OBSL1: variants seen among roughly 807,000 people sequenced by gnomAD.
OBSL1 encodes the protein obscurin-like protein 1.
Under a neutral mutation model 172.0 loss-of-function variants are expected in OBSL1, and 160 were observed. The ratio of observed to expected loss-of-function variants is 0.93; its 90% CI spans 0.82 to 1.06. The LOEUF (loss-of-function observed/expected upper bound fraction) is 1.06. Among genes scored for constraint, OBSL1 ranks in the 50% least tolerant of loss-of-function variants. OBSL1 has a pLI of 0.00. For synonymous variants in OBSL1, 1,200 were observed against 1,196.3 expected (o/e 1.00, Z -0.06); for missense variants, 2,681 against 2,715.4 (o/e 0.99, Z 0.28).
chr2:219,553,119 G>T (rs1160533169), intron 16 of OBSL1, 95 bp from the exon 17 acceptor site: 4 of 1,385,998 alleles, frequency 2.9e-6, no homozygotes, highest in South Asian at 3.2e-5. Context: ...GATGCCAAGC[G>T]GTCTCGAGGC....
Position 219,556,273 on chromosome 2 carries a change from T to G in OBSL1, c.4356A>C (p.Leu1452=). 6.3e-7 allele frequency: 1 copy of G among 1,589,162 alleles called. No individual in the cohort carries two copies. The highest frequency in any genetic ancestry group is 8.6e-7 in the Non-Finnish European group (1 of 1,164,450). Residue 1452 remains leucine, a synonymous_variant, in exon 14 of 21, where the codon CTA becomes CTC. Transcript: ENST00000404537. ...LHVRETELLF[L]RRLQDVRAEE... ...CTGCCCGCACATCCTGCAACCGCCGTAGGAACAGCAGCTCTGTCTCTGGTG... is the reference window on the plus strand; with the variant it reads ...CTGCCCGCACATCCTGCAACCGCCGGAGGAACAGCAGCTCTGTCTCTGGTG...
rs1184716288 is a variant in OBSL1, at chr2:219,559,441, A to G, written c.3010T>C (p.Leu1004=). 2.5e-6 allele frequency: 4 copies of G among 1,613,266 alleles called. No individual in the cohort carries two copies. Among genetic ancestry groups the G allele is most frequent in the Non-Finnish European group, 3.4e-6 (4 of 1,179,680 alleles). ...RDEVTLIAVT[L]ECVVLMCELS... ...TCACACATCAGCACCACACACTCCA[A>G]GGTCACGGCGATCAAGGTCACCTCA... The change falls in exon 9 of 21, where the codon TTG becomes CTG. Residue 1004 remains leucine, a synonymous_variant. Transcript: ENST00000404537.
chr2:219,555,051 A>G (rs1695899563), intron 14 of OBSL1: 2 of 397,774 alleles, frequency 5.0e-6, no homozygotes, highest in Non-Finnish European at 4.6e-6. Context: ...CACACTAGGA[A>G]TGGAACCTCG....
intron 9 of OBSL1, 99 bp from the exon 10 acceptor site, chr2:219,558,558 C>G: frequency 7.4e-7 from 1 of 1,353,942 alleles, no homozygotes; most frequent in African/African-American, 1.5e-5. Context: ...CAGCACAGCT[C>G]TTGAGAACAG....
At chr2:219,552,800 CG>C in intron 17 of OBSL1, 67 bp downstream of exon 17, 1 of 1,525,958 alleles carries the variant, frequency 6.6e-7, no homozygotes, top group Non-Finnish European at 8.8e-7. Flanking sequence ...CATCAGGGTC[CG>C]GGGAAGACAG....
downstream of OBSL1, among the ~76,000 whole-genome samples, chr2:219,548,529 A>C (rs556421561): frequency 1.3e-4 from 20 of 152,328 alleles, no homozygotes; most frequent in African/African-American, 4.3e-4. Context: ...TTGAAGGCTA[A>C]GGGGCCAGCC....
At chr2:219,556,896 ACTC>A in intron 12 of OBSL1, 173 bp from the exon 13 acceptor site, 1 of 684,684 alleles carries the variant, frequency 1.5e-6, no homozygotes, top group Non-Finnish European at 2.4e-6. Flanking sequence ...GCTCCCTGCC[ACTC>A]CTTTTAGTCA....
rs569471408 is a variant in OBSL1 at position 219,568,279 on chromosome 2, C to T, written c.1058G>A (p.Arg353His). The T allele has an allele frequency of 3.0e-5, 49 of 1,609,238 alleles. No homozygotes were observed. The East Asian group carries it at 5.8e-4, about 19-fold the overall frequency. Residue 353 changes from arginine to histidine, a missense_variant, in exon 2 of 21, where the codon CGT becomes CAT. This residue lies in a region of OBSL1 where 706 missense variants were observed against 695.8 expected (regional missense o/e 1.01). Coordinates refer to ENST00000404537, the MANE Select transcript of OBSL1 (RefSeq NM_015311.3). This position sits in a 1 kb window ranked among gnomAD's most constrained non-coding sequence, Gnocchi z 4.1. Reference sequence around the variant, plus strand: ...TTCCAGCACGGCAATCCCGTGCTCACGGCCCTCCACGTCCTGCAGGGGCCG... The same window carrying T: ...TTCCAGCACGGCAATCCCGTGCTCATGGCCCTCCACGTCCTGCAGGGGCCG... ...FTRPLQDVEG[R>H]EHGIAVLECK...
At chr2:219,547,371 G>A (rs1695410290), downstream of OBSL1, 6 of 690,950 alleles carry the variant, frequency 8.7e-6, no homozygotes, top group Non-Finnish European at 1.3e-5. Flanking sequence ...CATGACTCCA[G>A]TGACCCTCAA....
chr2:219,556,937 C>T, intron 12 of OBSL1: 2 of 551,654 alleles, frequency 3.6e-6, no homozygotes, highest in South Asian at 3.1e-5. Flanking sequence ...CCTAGCACCC[C>T]ACCTTGGTGG....
Position 219,557,599 on chromosome 2 carries a change from T to A in OBSL1, c.3810A>T (p.Val1270=). The stretch of plus-strand genomic sequence containing the variant: ...CCCTCGTCTGGGCTGCCTCGGGAGC[T>A]ACCACCCGCACAGGGGGCTCTGTGG... The part of the protein sequence containing the change: ...VQVAEPPVRV[V]APEAAQTRVR... Residue 1270 remains valine, a synonymous_variant, in exon 12 of 21, where the codon GTA becomes GTT. Transcript: ENST00000404537. 2 of 1,544,778 alleles carry A rather than the reference T, an allele frequency of 1.3e-6. No homozygotes were observed. The highest frequency in any genetic ancestry group is 2.4e-5 in the South Asian group (2 of 83,804).
chr2:219,565,123 G>A (rs1280352484), intron 6 of OBSL1, 119 bp downstream of exon 6: 7 of 1,033,128 alleles, frequency 6.8e-6, no homozygotes, highest in Non-Finnish European at 9.6e-6. Context: ...ATGTCCCCTG[G>A]GCCACTGGAC....
Position 219,570,281 on chromosome 2 carries a change from C to T in OBSL1, c.952G>A (p.Val318Ile). 1.2e-6 allele frequency: 2 copies of T among 1,606,964 alleles called. No individual in the cohort carries two copies. Among genetic ancestry groups the T allele is most frequent in the Admixed American group, 1.7e-5 (1 of 59,784 alleles). The stretch of plus-strand genomic sequence containing the variant: ...CCCGCCGAGTTGCGCGCGGCGCAGA[C>T]GTAGAGCCCACGATCCTTGGCCTGG... ...YCQAKDRGLY[V>I]CAARNSAGQT... The change falls in exon 1 of 21, where the codon GTC becomes ATC. Residue 318 changes from valine (V) to isoleucine (I), a missense_variant. Around this residue, in one of 5 missense-constraint regions of OBSL1, gnomAD observed 706 missense variants for 695.8 expected, o/e 1.01. Transcript: ENST00000404537.
intron 18 of OBSL1, 153 bp from the exon 19 acceptor site, chr2:219,552,369 G>A (rs1053099643): frequency 1.1e-6 from 1 of 882,662 alleles, no homozygotes; most frequent in Non-Finnish European, 1.7e-6. Flanking sequence ...AAGCCTAGAG[G>A]TCCGGGACTA....
At position 219,567,284 on chromosome 2, in the gene OBSL1, G is replaced by A. The variant is rs957665576; in HGVS notation, c.1826C>T (p.Ser609Phe). The A allele has an allele frequency of 1.9e-6, 3 of 1,595,972 alleles. No homozygotes were observed. Among genetic ancestry groups the A allele is most frequent in the Non-Finnish European group, 1.7e-6 (2 of 1,167,140 alleles). Residue 609 changes from serine to phenylalanine, a missense_variant, in exon 4 of 21, where the codon TCT (serine) becomes TTT (phenylalanine). This residue lies in a region of OBSL1 where 53 missense variants were observed against 85.5 expected (regional missense o/e 0.62). Coordinates refer to ENST00000404537, the MANE Select transcript of OBSL1 (RefSeq NM_015311.3). Reference protein sequence around the residue: ...GRSPHVVFHGSAHLVPTARLV... With the variant: ...GRSPHVVFHGFAHLVPTARLV... ...CAGGACCAACTCACCAAGGTGAGCA[G>A]AACCGTGGAACACCACGTGGGGACT...
intron 6 of OBSL1, among the ~76,000 whole-genome samples, chr2:219,564,407 T>C (rs892802598): frequency 2.0e-5 from 3 of 152,260 alleles, no homozygotes; most frequent in Non-Finnish European, 4.4e-5. Flanking sequence ...GGAGGTCACA[T>C]AACCTCTTAC....
intron 3 of OBSL1, 23 bp downstream of exon 3, chr2:219,567,695 T>A (rs759114311): frequency 1.2e-5 from 20 of 1,602,134 alleles, no homozygotes; most frequent in Non-Finnish European, 1.6e-5. Context: ...GCCTCGCCTG[T>A]CCAGAGGCCT....
In OBSL1 at chr2:219,563,603, G is replaced by T. The variant is rs1260806087; in HGVS notation, c.2432C>A (p.Pro811His). Residue 811 changes from proline to histidine, a missense_variant, in exon 7 of 21, where the codon CCC becomes CAC. This residue lies in a region of OBSL1 where 1,765 missense variants were observed against 1,748.3 expected (regional missense o/e 1.01). Transcript: ENST00000404537. ...GGCATGCACGAACACATGTTCTCGG[G>T]GGTCCACGATGTGCACGGGAGGATC... is the stretch of plus-strand genomic sequence containing the variant. ...VQDPPVHIVD[P>H]REHVFVHAIT... 6.2e-7 allele frequency: 1 copy of T among 1,611,816 alleles called. No homozygotes were observed. Among genetic ancestry groups the T allele is most frequent in the Non-Finnish European group, 8.5e-7 (1 of 1,179,064 alleles).
chr2:219,554,458 G>A lies in OBSL1; in HGVS notation c.4876+16C>T. 6.2e-7 allele frequency: 1 copy of A among 1,611,728 alleles called. No individual in the cohort carries two copies. Among genetic ancestry groups the A allele is most frequent in the South Asian group, 1.1e-5 (1 of 91,042 alleles). On this transcript the variant is annotated intron_variant, in intron 15 of 20. Coordinates refer to ENST00000404537, the MANE Select transcript of OBSL1 (RefSeq NM_015311.3). ...CACACAGGTCAGCAGGCAGGCTGTG[G>A]TCCTGGAGGCCACACCTCTCACAAT...
Sources: gnomAD v4.1 joint callset for allele counts (sites outside exome capture counted in the v4.1 genomes callset) on GRCh38, gnomAD v4.1.1 for gene constraint, gnomAD v4.1.1 regional missense constraint, Gnocchi (gnomAD v3.1) non-coding constraint, MANE v1.5 for transcripts, NCBI Gene and HGNC (gene_info 2026-07-23, HGNC 2026-07-21) for gene names.